The following SETBP1 variants were observed in gnomAD, a reference collection of about 807,000 sequenced individuals.
SETBP1 encodes SET binding protein 1, also known as SET-binding protein.
Under a neutral mutation model 101.0 loss-of-function variants are expected in SETBP1, and 9 were observed. The ratio of observed to expected loss-of-function variants is 0.09; its 90% CI spans 0.05 to 0.16. SETBP1 has a LOEUF of 0.16. Among genes scored for constraint, SETBP1 ranks in the 10% least tolerant of loss-of-function variants. SETBP1 has a pLI of 1.00. For missense variants in SETBP1, 1,858 were observed against 2,033.8 expected (o/e 0.91, Z 1.66); for synonymous variants, 818 against 788.5 (o/e 1.04, Z -0.63).
chr18:44,847,175 G>C (rs1449589827), intron 2 of SETBP1, among the ~76,000 whole-genome samples: 1 of 152,194 alleles, frequency 6.6e-6, no homozygotes, highest in African/African-American at 2.4e-5. Flanking sequence ...TTAGAACATG[G>C]TTTAGGGCCA....
At chr18:44,682,650 G>A (rs1182032892) in intron 1 of SETBP1, among the ~76,000 whole-genome samples, 2 of 152,206 alleles carry the variant, frequency 1.3e-5, no homozygotes, top group South Asian at 4.1e-4. Context: ...TTAAGACAGA[G>A]TGTTTGGGGG....
chr18:44,779,671 CTT>C (rs976993480), intron 2 of SETBP1, among the ~76,000 whole-genome samples: 37 of 152,200 alleles, frequency 2.4e-4, no homozygotes, highest in African/African-American at 8.4e-4. Context: ...CTGTCGAAGA[CTT>C]TGTGCAAAGG....
chr18:44,957,055 G>T (rs1209183640), intron 4 of SETBP1, among the ~76,000 whole-genome samples: 3 of 152,132 alleles, frequency 2.0e-5, no homozygotes, highest in African/African-American at 7.2e-5. Flanking sequence ...CCAGAAAATG[G>T]ATAAATAGTG....
chr18:44,869,263 C>T lies in SETBP1; in HGVS notation c.520C>T (p.Leu174Phe). The change falls in exon 3 of 6, where the codon CTC (leucine) becomes TTC (phenylalanine). Residue 174 changes from leucine to phenylalanine, a missense_variant. Leu to Phe is a conservative substitution (Grantham distance 22, BLOSUM62 0). Around this residue, in one of 12 missense-constraint regions of SETBP1, gnomAD observed 581 missense variants for 535.1 expected, o/e 1.09. Coordinates refer to ENST00000649279, the MANE Select transcript of SETBP1 (RefSeq NM_015559.3). The stretch of plus-strand genomic sequence containing the variant: ...AGCCAGTGACCTTGCAGCCAGTGAC[C>T]TCAAAGGATTTCAGCCACAGGTAAG... Reference protein sequence around the residue: ...LTASDLAASDLKGFQPQAYER... With the variant: ...LTASDLAASDFKGFQPQAYER... 4 of 1,614,060 alleles carry T rather than the reference C, an allele frequency of 2.5e-6. No homozygotes were observed. The South Asian group carries it at 3.3e-5, about 13-fold the overall frequency.
At chr18:44,958,107 A>C (rs1485176627) in intron 4 of SETBP1, among the ~76,000 whole-genome samples, 4 of 152,208 alleles carry the variant, frequency 2.6e-5, no homozygotes, top group Non-Finnish European at 4.4e-5. Context: ...AAAGGTTCTG[A>C]CCAGACCTAA....
At chr18:44,738,130 A>AT in intron 2 of SETBP1, among the ~76,000 whole-genome samples, 1 of 152,256 alleles carries the variant, frequency 6.6e-6, no homozygotes, top group Admixed American at 6.5e-5. Flanking sequence ...TTGCCCATAT[A>AT]AACTGCTATT....
intron 2 of SETBP1, among the ~76,000 whole-genome samples, chr18:44,835,613 G>A (rs766679927): frequency 5.9e-5 from 9 of 152,228 alleles, no homozygotes; most frequent in South Asian, 4.1e-4. Flanking sequence ...CATTTAATAC[G>A]TCTAAGAATC....
chr18:44,820,182 C>T (rs1374551021), intron 2 of SETBP1, among the ~76,000 whole-genome samples: 1 of 152,226 alleles, frequency 6.6e-6, no homozygotes, highest in Non-Finnish European at 1.5e-5. Flanking sequence ...CGCCACGTGG[C>T]GGGCAGGCAG....
chr18:44,909,344 C>A (rs1490566519), intron 3 of SETBP1, among the ~76,000 whole-genome samples: 1 of 152,154 alleles, frequency 6.6e-6, no homozygotes, highest in African/African-American at 2.4e-5. Flanking sequence ...TTTGAATGGA[C>A]CAGAATCCAG....
chr18:44,984,303 G>A (rs2072181561), intron 4 of SETBP1, among the ~76,000 whole-genome samples: 1 of 152,148 alleles, frequency 6.6e-6, no homozygotes, highest in Non-Finnish European at 1.5e-5. Flanking sequence ...AGGGGAGTGG[G>A]GTGCGGAGAA....
intron 2 of SETBP1, among the ~76,000 whole-genome samples, chr18:44,740,671 A>G (rs1444204949): frequency 2.0e-5 from 3 of 152,218 alleles, no homozygotes; most frequent in African/African-American, 4.8e-5. Context: ...GCTTTGAATC[A>G]CAAATACTGT....
chr18:44,754,326 G>A (rs11873246), intron 2 of SETBP1, among the ~76,000 whole-genome samples: 14,019 of 152,192 alleles, frequency 0.092, 673 homozygotes, highest in Admixed American at 0.14. Context: ...ACTTTATGTA[G>A]GGTCCTAGTC....
chr18:45,009,290 C>T (rs975081575), intron 4 of SETBP1, among the ~76,000 whole-genome samples: 11 of 151,224 alleles, frequency 7.3e-5, no homozygotes, highest in Non-Finnish European at 1.5e-4. Flanking sequence ...CAGTGTACGC[C>T]AGGTTAGCAG....
intron 4 of SETBP1, among the ~76,000 whole-genome samples, chr18:45,009,334 G>A (rs909847506): frequency 2.7e-5 from 4 of 150,822 alleles, no homozygotes; most frequent in African/African-American, 9.8e-5. Context: ...CATCTCGGAT[G>A]CCTGTGGCCC....
At chr18:44,895,372 A>G (rs1161431978) in intron 3 of SETBP1, among the ~76,000 whole-genome samples, 1 of 151,714 alleles carries the variant, frequency 6.6e-6, no homozygotes, top group East Asian at 1.9e-4. Context: ...CACATCAAAT[A>G]CTCAAGTTAT....
At chr18:44,808,493 G>A (rs963854276) in intron 2 of SETBP1, among the ~76,000 whole-genome samples, 6 of 152,166 alleles carry the variant, frequency 3.9e-5, no homozygotes, top group Admixed American at 1.3e-4. Context: ...GGAGACCTGA[G>A]GTGGGCTGAG....
intron 3 of SETBP1, among the ~76,000 whole-genome samples, chr18:44,908,195 G>A (rs1010892470): frequency 2.6e-5 from 4 of 151,846 alleles, no homozygotes; most frequent in African/African-American, 9.7e-5. Context: ...TGAGTAGCTG[G>A]GATTACAGGC....
intron 2 of SETBP1, among the ~76,000 whole-genome samples, chr18:44,845,598 T>A (rs1489561905): frequency 6.6e-6 from 1 of 152,230 alleles, no homozygotes; most frequent in Non-Finnish European, 1.5e-5. Flanking sequence ...GGCCCCCATC[T>A]GTTTGGCCCA....
chr18:45,063,316 A>C lies in SETBP1; in HGVS notation c.4409A>C (p.Asp1470Ala). Residue 1470 changes from aspartate (D) to alanine (A), a missense_variant, in exon 6 of 6, where the codon GAC (aspartate) becomes GCC (alanine). This residue lies in a region of SETBP1 where 178 missense variants were observed against 189.1 expected (regional missense o/e 0.94). Coordinates refer to ENST00000649279, the MANE Select transcript of SETBP1 (RefSeq NM_015559.3). ...QPTQFDEDSR[D>A]QMPVLEKCID... ...ACCCAGTTCGATGAGGACTCCAGAG[A>C]CCAAATGCCGGTGCTGGAAAAATGC... 1.2e-6 allele frequency: 2 copies of C among 1,601,932 alleles called. No individual in the cohort carries two copies. The highest frequency in any genetic ancestry group is 1.7e-6 in the Non-Finnish European group (2 of 1,174,094).
Sources: allele counts gnomAD v4.1 joint callset (sites outside exome capture counted in the v4.1 genomes callset), GRCh38; gene constraint gnomAD v4.1.1; regional missense constraint gnomAD v4.1.1; transcripts MANE v1.5; gene names NCBI Gene and HGNC (gene_info 2026-07-23, HGNC 2026-07-21).